LIPC: variants seen among roughly 807,000 people sequenced by gnomAD.
The protein encoded by LIPC is lipase C, hepatic type, also known as hepatic triacylglycerol lipase.
Under a neutral mutation model 50.7 loss-of-function variants are expected in LIPC, and 44 were observed. The observed-to-expected ratio is 0.87, with a 90% confidence interval of 0.68 to 1.11. LIPC has a LOEUF of 1.11. Ranked by LOEUF, LIPC falls within the 50% of genes most tolerant of loss-of-function variation. The pLI is 0.00. For synonymous variants in LIPC, 271 were observed against 256.4 expected, an observed-to-expected ratio of 1.06 and a Z score of -0.54; for missense variants, 697 against 648.2, an observed-to-expected ratio of 1.08 and a Z score of -0.82.
Position 58,559,467 on chromosome 15 carries a change from C to T in LIPC, c.1052-1397C>T, listed in dbSNP as rs145573701. ...CCTTATCCTTTTCCCAAACCAGACACTCATCTTGCCCCAAGCCCGGACATG... is the reference window on the plus strand; with the variant it reads ...CCTTATCCTTTTCCCAAACCAGACATTCATCTTGCCCCAAGCCCGGACATG... On this transcript the variant is annotated intron_variant, in intron 6 of 8. Transcript: ENST00000299022. 2.0e-5 allele frequency among the ~76,000 whole-genome samples: 3 copies of T among 152,326 alleles called. No individual in the cohort carries two copies. The East Asian group carries it at 5.8e-4, about 29-fold the overall frequency.
rs556938833 is a variant in LIPC at position 58,434,644 on chromosome 15, G to A, written c.88+2524G>A. Among the ~76,000 whole-genome samples, 16 of 152,360 alleles carry A rather than the reference G, an allele frequency of 1.1e-4. No individual in the cohort carries two copies. The South Asian group carries it at 3.3e-3, about 32-fold the overall frequency. ...GAGGGAGATTTAGACAGTTGTTCCT[G>A]CCCTTCAGCACTAAGGGGGACTGGA... On this transcript the variant is annotated intron_variant, in intron 1 of 8. Transcript: ENST00000299022.
intron 1 of LIPC, among the ~76,000 whole-genome samples, chr15:58,441,354 A>G (rs1566907590): frequency 6.6e-6 from 1 of 152,218 alleles, no homozygotes; most frequent in Non-Finnish European, 1.5e-5. Context: ...ATCTTATTCT[A>G]CATCTGAAAA....
chr15:58,492,905 A>G (rs750766771), intron 1 of LIPC, among the ~76,000 whole-genome samples: 3 of 152,170 alleles, frequency 2.0e-5, no homozygotes, highest in African/African-American at 4.8e-5. Context: ...GCAAATCTGC[A>G]GGATTACATC....
At chr15:58,444,944 G>C (rs866636867) in intron 1 of LIPC, among the ~76,000 whole-genome samples, 2 of 152,190 alleles carry the variant, frequency 1.3e-5, no homozygotes, top group African/African-American at 4.8e-5. Flanking sequence ...AGGCTTCCGC[G>C]TTAGAAAAAA....
chr15:58,510,548 G>A (rs552864835), intron 1 of LIPC, among the ~76,000 whole-genome samples: 4 of 152,328 alleles, frequency 2.6e-5, no homozygotes, highest in African/African-American at 9.6e-5. Context: ...ATATGAAGCT[G>A]TGCTTTACTG....
intron 7 of LIPC, among the ~76,000 whole-genome samples, chr15:58,563,235 C>A (rs1403424420): frequency 6.6e-6 from 1 of 152,154 alleles, no homozygotes; most frequent in African/African-American, 2.4e-5. Context: ...AGAAAGTTAA[C>A]TAGATTTGTT....
rs1193074039 is a variant in LIPC, at chr15:58,560,953, G to T, written c.1141G>T (p.Glu381Ter). The T allele has an allele frequency of 3.2e-6, 5 of 1,564,862 alleles. No individual in the cohort carries two copies. In the African/African-American group the frequency reaches 6.7e-5, roughly 21 times the overall value. The change falls in exon 7 of 9, where the codon GAG (glutamate) becomes TAG (stop). Residue 381 changes from glutamate to a stop codon, truncating the protein, a stop_gained. Coordinates refer to ENST00000299022, the MANE Select transcript of LIPC (RefSeq NM_000236.3). LOFTEE classifies it high-confidence loss of function. The stretch of plus-strand genomic sequence containing the variant: ...TACCATGTCACTACTCGGAACAAAA[G>T]AGAAAATGCAGAAAATTCCCATCAC... ...TFTMSLLGTK[E>*]KMQKIPITLG...
At chr15:58,554,554 CTTT>C (rs60984824) in intron 6 of LIPC, among the ~76,000 whole-genome samples, 11 of 145,660 alleles carry the variant, frequency 7.6e-5, no homozygotes, top group African/African-American at 7.5e-5. Context: ...TCTTTTCTTC[CTTT>C]TTTTTTTTTT....
intron 1 of LIPC, among the ~76,000 whole-genome samples, chr15:58,508,904 G>C (rs1474276172): frequency 6.6e-6 from 1 of 151,462 alleles, no homozygotes; most frequent in African/African-American, 2.4e-5. Context: ...TTCTCTCCTA[G>C]GCTTCTCACC....
At chr15:58,565,295 G>A (rs1449675381) in intron 8 of LIPC, 2 of 1,535,496 alleles carry the variant, frequency 1.3e-6, no homozygotes, top group Non-Finnish European at 1.7e-6. Flanking sequence ...CTCTGACCCT[G>A]CCCAGATGCT....
chr15:58,432,197 T>C, intron 1 of LIPC, 77 bp downstream of exon 1: 1 of 1,113,260 alleles, frequency 9.0e-7, no homozygotes, highest in Admixed American at 1.7e-5. Flanking sequence ...ATCCAGGGGT[T>C]TCTGACTGTA....
intron 1 of LIPC, among the ~76,000 whole-genome samples, chr15:58,453,556 C>T (rs558282867): frequency 1.3e-4 from 20 of 152,158 alleles, no homozygotes; most frequent in African/African-American, 4.6e-4. Flanking sequence ...CTTTGAGAGC[C>T]CTGGAGTTTG....
rs138853906 is a variant in LIPC at position 58,447,105 on chromosome 15, C to T, written c.88+14985C>T. 8.1e-3 allele frequency among the ~76,000 whole-genome samples: 1,063 copies of T among 131,566 alleles called. 10 individuals are homozygous for T. Among genetic ancestry groups the T allele is most frequent in the Middle Eastern group, 0.027 (6 of 226 alleles). 86.3% of individuals were successfully genotyped at this position (131,566 alleles called of 152,430 possible). ...TGGAGGTTGCAGTGAGCCGAGATTG[C>T]GCCACTGCACCCAGCCTGGACAACA... On this transcript the variant is annotated intron_variant, in intron 1 of 8. Transcript: ENST00000299022.
intron 1 of LIPC, among the ~76,000 whole-genome samples, chr15:58,471,571 G>A (rs1220168578): frequency 1.3e-5 from 2 of 152,148 alleles, no homozygotes; most frequent in African/African-American, 4.8e-5. Flanking sequence ...AGCCTTATCT[G>A]TCATGGTCAT....
intron 1 of LIPC, among the ~76,000 whole-genome samples, chr15:58,504,736 G>C (rs1892091571): frequency 6.6e-6 from 1 of 152,134 alleles, no homozygotes; most frequent in Non-Finnish European, 1.5e-5. Flanking sequence ...CAAGTAAAAG[G>C]CCATCCTCAA....
intron 1 of LIPC, among the ~76,000 whole-genome samples, chr15:58,508,288 T>A (rs549688494): frequency 1.4e-4 from 21 of 152,158 alleles, no homozygotes; most frequent in African/African-American, 5.1e-4. Context: ...CTCTTCTTAT[T>A]TCAGCATGTC....
At chr15:58,565,383 C>T (rs2140960366) in intron 8 of LIPC, 1 of 1,500,946 alleles carries the variant, frequency 6.7e-7, no homozygotes. Flanking sequence ...GAAAGGGTGG[C>T]TAAAGCACAA....
chr15:58,533,497 T>C (rs1893016674), intron 1 of LIPC, among the ~76,000 whole-genome samples: 1 of 152,240 alleles, frequency 6.6e-6, no homozygotes, highest in African/African-American at 2.4e-5. Context: ...TTCCGATAAA[T>C]ATTTATACAT....
At chr15:58,513,449 A>G (rs796671190) in intron 1 of LIPC, among the ~76,000 whole-genome samples, 32 of 152,302 alleles carry the variant, frequency 2.1e-4, no homozygotes, top group African/African-American at 6.5e-4. Context: ...ACAATCTTCA[A>G]AGCAAACCGT....
Sources: allele counts gnomAD v4.1 joint callset (sites outside exome capture counted in the v4.1 genomes callset), GRCh38; gene constraint gnomAD v4.1.1; transcripts MANE v1.5; gene names NCBI Gene and HGNC (gene_info 2026-07-23, HGNC 2026-07-21).